Variants in SLA observed in about 807,000 individuals in gnomAD.
SLA encodes the protein src-like-adapter.
Under a neutral mutation model 30.3 loss-of-function variants are expected in SLA, and 16 were observed. That is an observed-to-expected ratio of 0.53 (90% CI 0.36 to 0.80). SLA has a LOEUF of 0.80. Among genes scored for constraint, SLA ranks in the 30% least tolerant of loss-of-function variants. The pLI is 0.01. For synonymous variants in SLA, 143 were observed against 137.8 expected (o/e 1.04, Z -0.26); for missense variants, 310 against 345.2 (o/e 0.90, Z 0.81).
At chr8:133,067,913 AG>A (rs139361687) in intron 2 of SLA, among the ~76,000 whole-genome samples, 29,714 of 75,780 alleles carry the variant, frequency 0.39, 3,547 homozygotes, top group Non-Finnish European at 0.48. Flanking sequence ...GAAGGAAGGA[AG>A]GAAAGAGAGA....
At chr8:133,038,990 T>C (rs1837632203) in intron 8 of SLA, among the ~76,000 whole-genome samples, 1 of 152,120 alleles carries the variant, frequency 6.6e-6, no homozygotes, top group African/African-American at 2.4e-5. Flanking sequence ...CGATTCTCCC[T>C]CCTTAGCCTC....
chr8:133,073,465 C>T lies in SLA; in HGVS notation c.-41+1388G>A, dbSNP rs372255310. 2.6e-5 allele frequency among the ~76,000 whole-genome samples: 4 copies of T among 152,088 alleles called. No individual in the cohort carries two copies. In the East Asian group the frequency reaches 5.8e-4, roughly 22 times the overall value. On this transcript the variant is annotated intron_variant, in intron 2 of 8. Transcript: ENST00000338087. ...GCAACCTCCACCTCTCGGGTTCAAG[C>T]GATTATCCTGTCTCGCCTCCCGAGT...
chr8:133,102,525 C>T (rs534249604), intron 1 of SLA, 28 bp downstream of exon 1: 33 of 1,550,904 alleles, frequency 2.1e-5, no homozygotes, highest in East Asian at 4.9e-5. Context: ...CCCAGGGGGT[C>T]CCAATGACAG....
intron 8 of SLA, among the ~76,000 whole-genome samples, chr8:133,039,677 A>T (rs1837790116): frequency 6.6e-6 from 1 of 152,194 alleles, no homozygotes; most frequent in South Asian, 2.1e-4. Flanking sequence ...ACTTTCTAGG[A>T]TCCTAACAAT....
At chr8:133,091,417 C>G (rs1475496395) in intron 1 of SLA, among the ~76,000 whole-genome samples, 1 of 152,166 alleles carries the variant, frequency 6.6e-6, no homozygotes, top group Non-Finnish European at 1.5e-5. Flanking sequence ...CATGGATGCC[C>G]CAGGGCAGAG....
chr8:133,081,402 TG>T (rs571145988), intron 1 of SLA, among the ~76,000 whole-genome samples: 1 of 152,316 alleles, frequency 6.6e-6, no homozygotes, highest in East Asian at 1.9e-4. Context: ...GAAAACCATC[TG>T]GGGGGAGAGC....
intron 6 of SLA, among the ~76,000 whole-genome samples, chr8:133,045,523 T>C (rs190897038): frequency 1.3e-5 from 2 of 150,410 alleles, no homozygotes; most frequent in Non-Finnish European, 2.9e-5. Context: ...GCCTCCAGAG[T>C]AGCTGGGACT....
At chr8:133,073,758 C>G (rs1028602704) in intron 2 of SLA, among the ~76,000 whole-genome samples, 5 of 152,084 alleles carry the variant, frequency 3.3e-5, no homozygotes, top group Non-Finnish European at 7.4e-5. Flanking sequence ...AGCTCTGCAT[C>G]CGCTTGTTCT....
intron 1 of SLA, among the ~76,000 whole-genome samples, chr8:133,080,516 T>A (rs949844707): frequency 1.3e-5 from 2 of 152,120 alleles, no homozygotes; most frequent in Non-Finnish European, 2.9e-5. Flanking sequence ...CCATCCTCTT[T>A]CAGCCCTGTG....
intron 1 of SLA, among the ~76,000 whole-genome samples, chr8:133,083,483 G>A (rs927806802): frequency 6.6e-6 from 1 of 152,158 alleles, no homozygotes; most frequent in African/African-American, 2.4e-5. Flanking sequence ...AGAACACACA[G>A]CTGGTTAGAG....
intron 7 of SLA, 90 bp downstream of exon 7, chr8:133,044,894 C>A: frequency 1.5e-6 from 2 of 1,310,690 alleles, no homozygotes; most frequent in South Asian, 1.2e-5. Flanking sequence ...GTAAGCAAGA[C>A]CCCTCTGCAT....
intron 2 of SLA, among the ~76,000 whole-genome samples, chr8:133,072,453 G>T (rs1236249591): frequency 6.6e-6 from 1 of 152,072 alleles, no homozygotes; most frequent in Non-Finnish European, 1.5e-5. Context: ...TAGATGGATA[G>T]ATAGATAGAT....
chr8:133,056,309 A>G (rs1156317369), intron 3 of SLA, among the ~76,000 whole-genome samples: 1 of 152,168 alleles, frequency 6.6e-6, no homozygotes, highest in Non-Finnish European at 1.5e-5. Flanking sequence ...AGACCATCTC[A>G]TGTACCAGCA....
chr8:133,099,288 G>A (rs2958668), intron 1 of SLA, among the ~76,000 whole-genome samples: 39,516 of 152,096 alleles, frequency 0.26, 5,302 homozygotes, highest in South Asian at 0.3. Context: ...TTCTGGCTTC[G>A]CTTCTTCATT....
rs1837321640 is a variant in SLA, at chr8:133,037,583, A to AT, written c.*940dup. The AT allele has an allele frequency of 6.7e-6, 1 of 149,648 alleles. No individual in the cohort carries two copies. The highest frequency in any genetic ancestry group is 1.5e-5 in the Non-Finnish European group (1 of 67,628). The allele number at this position is 149,648 out of a possible 1,614,324, so 9.3% of individuals were successfully genotyped here. Reference sequence around the variant, plus strand: ...TCTCTTTTTACACATTTGTTTATACATTTTTTCCCTGTCTACACTGTGAAC... The same window carrying AT: ...TCTCTTTTTACACATTTGTTTATACATTTTTTTCCCTGTCTACACTGTGAAC... On this transcript the variant is annotated 3_prime_UTR_variant, in exon 9 of 9. Coordinates refer to ENST00000338087, the MANE Select transcript of SLA (RefSeq NM_001045556.3).
At chr8:133,043,289 C>T (rs372889809) in intron 7 of SLA, among the ~76,000 whole-genome samples, 1 of 152,072 alleles carries the variant, frequency 6.6e-6, no homozygotes, top group Non-Finnish European at 1.5e-5. Flanking sequence ...TTTGCTAGGA[C>T]AGCATCCTTC....
At chr8:133,067,946 A>G (rs1196011758) in intron 2 of SLA, among the ~76,000 whole-genome samples, 1 of 151,844 alleles carries the variant, frequency 6.6e-6, no homozygotes, top group East Asian at 1.9e-4. Flanking sequence ...AAAGAAAGAG[A>G]GAAAGAAAGA....
intron 1 of SLA, among the ~76,000 whole-genome samples, chr8:133,080,004 A>G (rs774826942): frequency 1.3e-5 from 2 of 152,066 alleles, no homozygotes; most frequent in Admixed American, 6.5e-5. Context: ...AACCCCTTCA[A>G]TGTGTTAGGC....
At chr8:133,096,359 G>A (rs778641647) in intron 1 of SLA, 2 of 1,614,094 alleles carry the variant, frequency 1.2e-6, no homozygotes. Context: ...CATCAACAGA[G>A]CAAAGGCTGT....
Sources: allele counts gnomAD v4.1 joint callset (sites outside exome capture counted in the v4.1 genomes callset), GRCh38; gene constraint gnomAD v4.1.1; transcripts MANE v1.5; gene names NCBI Gene and HGNC (gene_info 2026-07-23, HGNC 2026-07-21).